Variants in NUBPL observed in about 807,000 individuals in gnomAD.
NUBPL encodes iron-sulfur cluster transfer protein NUBPL.
In NUBPL, 31 loss-of-function variants were observed where a neutral mutation model predicts 45.7. That is an observed-to-expected ratio of 0.68 (90% CI 0.51 to 0.92). NUBPL has a LOEUF of 0.92. NUBPL is among the 40% of genes least tolerant of loss of function. The pLI is 0.00. For missense variants in NUBPL, 401 were observed against 398.7 expected, an observed-to-expected ratio of 1.01 and a Z score of -0.05; for synonymous variants, 144 against 140.9, an observed-to-expected ratio of 1.02 and a Z score of -0.15.
intron 4 of NUBPL, among the ~76,000 whole-genome samples, chr14:31,618,168 C>A (rs1041676687): frequency 6.6e-6 from 1 of 151,968 alleles, no homozygotes; most frequent in African/African-American, 2.4e-5. Flanking sequence ...TCTCTCTTTT[C>A]TTCTTTATTA....
chr14:31,621,841 G>A (rs944835347), intron 4 of NUBPL, among the ~76,000 whole-genome samples: 8 of 152,180 alleles, frequency 5.3e-5, no homozygotes, highest in Non-Finnish European at 8.8e-5. Flanking sequence ...AATTGGTACC[G>A]GTAGAGTGGG....
intron 6 of NUBPL, among the ~76,000 whole-genome samples, chr14:31,757,431 AGG>A (rs1167935831): frequency 4.6e-5 from 7 of 151,626 alleles, no homozygotes; most frequent in African/African-American, 1.7e-4. Flanking sequence ...TAGTCTTGGG[AGG>A]GTGTATATGT....
intron 3 of NUBPL, among the ~76,000 whole-genome samples, chr14:31,597,250 A>G (rs1415362924): frequency 6.6e-6 from 1 of 152,180 alleles, no homozygotes; most frequent in Non-Finnish European, 1.5e-5. Context: ...TGTTATTTCT[A>G]TTCTCTAGGA....
chr14:31,755,464 T>C (rs1220335697), intron 6 of NUBPL, among the ~76,000 whole-genome samples: 1 of 152,268 alleles, frequency 6.6e-6, no homozygotes, highest in Non-Finnish European at 1.5e-5. Context: ...CTGAGCATTT[T>C]TTCATGTGTT....
intron 10 of NUBPL, among the ~76,000 whole-genome samples, chr14:31,854,217 T>C (rs1317024798): frequency 1.3e-5 from 2 of 152,186 alleles, no homozygotes; most frequent in Non-Finnish European, 2.9e-5. Flanking sequence ...TGCTAGTTAA[T>C]GGCATAGCGG....
chr14:31,689,718 C>T lies in NUBPL; in HGVS notation c.513+16144C>T, dbSNP rs912889074. 5.3e-5 allele frequency among the ~76,000 whole-genome samples: 8 copies of T among 152,100 alleles called. 1 individual carries two copies. The highest frequency in any genetic ancestry group is 2.6e-4 in the Admixed American group (4 of 15,260). ...TTGTTGCGATTGCTGTTGACATCTTCGTCATGAAATCTTTGCCATTCCTAT... is the reference window on the plus strand; with the variant it reads ...TTGTTGCGATTGCTGTTGACATCTTTGTCATGAAATCTTTGCCATTCCTAT... On this transcript the variant is annotated intron_variant, in intron 6 of 10. Transcript: ENST00000281081.
At chr14:31,683,197 A>G (rs1326897704) in intron 6 of NUBPL, among the ~76,000 whole-genome samples, 1 of 151,874 alleles carries the variant, frequency 6.6e-6, no homozygotes, top group Non-Finnish European at 1.5e-5. Context: ...TTAGAGAGAC[A>G]TCTATCCAAA....
chr14:31,574,985 G>T (rs2033683772), intron 3 of NUBPL, among the ~76,000 whole-genome samples: 1 of 152,188 alleles, frequency 6.6e-6, no homozygotes, highest in Non-Finnish European at 1.5e-5. Context: ...AGATGGGAAA[G>T]AAAGCAGTTT....
chr14:31,633,314 C>T (rs2035393937), intron 4 of NUBPL, among the ~76,000 whole-genome samples: 1 of 152,214 alleles, frequency 6.6e-6, no homozygotes, highest in Non-Finnish European at 1.5e-5. Context: ...CACAGATTAT[C>T]ACCAAACATA....
intron 4 of NUBPL, among the ~76,000 whole-genome samples, chr14:31,601,720 A>T (rs1478499486): frequency 2.6e-5 from 4 of 152,224 alleles, no homozygotes; most frequent in Non-Finnish European, 1.5e-5. Context: ...AATGGCAGTC[A>T]TTAAAAAGTC....
At chr14:31,779,839 C>A (rs1400356018) in intron 6 of NUBPL, among the ~76,000 whole-genome samples, 2 of 152,160 alleles carry the variant, frequency 1.3e-5, no homozygotes, top group Non-Finnish European at 2.9e-5. Context: ...GATTTAGAAT[C>A]TTTTGCAGCT....
At chr14:31,818,833 C>T (rs181502349) in intron 7 of NUBPL, among the ~76,000 whole-genome samples, 1 of 152,216 alleles carries the variant, frequency 6.6e-6, no homozygotes, top group African/African-American at 2.4e-5. Context: ...CAGGCGTGAG[C>T]TGCCGTGCCC....
Position 31,645,074 on chromosome 14 carries a change from T to C in NUBPL, c.383-28281T>C, listed in dbSNP as rs1293499610. Among the ~76,000 whole-genome samples the C allele has an allele frequency of 4.0e-5, 6 of 151,142 alleles. No homozygotes were observed. In the East Asian group the frequency reaches 7.8e-4, roughly 20 times the overall value. On this transcript the variant is annotated intron_variant, in intron 4 of 10. Transcript: ENST00000281081. ...GGTGCATTTCTTTTTCTTTTCTTTT[T>C]TTTTTTTTTGAGATGGAGTCTCGCT...
At chr14:31,735,781 G>A (rs765785365) in intron 6 of NUBPL, among the ~76,000 whole-genome samples, 1 of 152,200 alleles carries the variant, frequency 6.6e-6, no homozygotes, top group Non-Finnish European at 1.5e-5. Flanking sequence ...GAACCTGGCA[G>A]GTGGAAGTTG....
chr14:31,597,904 T>C (rs2034325411), intron 3 of NUBPL, among the ~76,000 whole-genome samples: 3 of 151,904 alleles, frequency 2.0e-5, no homozygotes, highest in Non-Finnish European at 4.4e-5. Flanking sequence ...TTATCCATAG[T>C]AAATTTAATT....
intron 6 of NUBPL, among the ~76,000 whole-genome samples, chr14:31,760,686 G>T (rs2038787970): frequency 6.6e-6 from 1 of 151,966 alleles, no homozygotes; most frequent in Non-Finnish European, 1.5e-5. Flanking sequence ...ATTCCATTGT[G>T]TATATGTACC....
intron 7 of NUBPL, among the ~76,000 whole-genome samples, chr14:31,809,861 C>T (rs1453531282): frequency 6.6e-6 from 1 of 152,182 alleles, no homozygotes; most frequent in Non-Finnish European, 1.5e-5. Context: ...TTTCTGCCTT[C>T]ATTTCGTTAT....
intron 7 of NUBPL, among the ~76,000 whole-genome samples, chr14:31,788,766 T>C (rs528102346): frequency 1.3e-5 from 2 of 152,338 alleles, no homozygotes; most frequent in African/African-American, 4.8e-5. Flanking sequence ...TCTCTGTTCA[T>C]ACCTAGCATG....
chr14:31,695,120 A>C (rs937779788), intron 6 of NUBPL, among the ~76,000 whole-genome samples: 7 of 152,230 alleles, frequency 4.6e-5, no homozygotes, highest in Non-Finnish European at 8.8e-5. Flanking sequence ...AAAAGTTTGC[A>C]GTCTCATTTA....
Sources: allele counts gnomAD v4.1 joint callset (sites outside exome capture counted in the v4.1 genomes callset), GRCh38; gene constraint gnomAD v4.1.1; transcripts MANE v1.5; gene names NCBI Gene and HGNC (gene_info 2026-07-23, HGNC 2026-07-21).